The following SLC35D4 variants were observed in gnomAD, a reference collection of about 807,000 sequenced individuals.
The protein encoded by SLC35D4 is UDP-N-acetylglucosamine transporter SLC35D4.
At chr18:23,239,096 A>C in the SLC35D4 span, among the ~76,000 whole-genome samples, 2 of 152,044 alleles carry the variant, frequency 1.3e-5, no homozygotes, top group African/African-American at 4.8e-5. Flanking sequence ...TTTTTTCTTT[A>C]AATGATTTCA....
At chr18:23,411,200 A>G in the SLC35D4 span, among the ~76,000 whole-genome samples, 1 of 132,810 alleles carries the variant, frequency 7.5e-6, no homozygotes, top group East Asian at 2.6e-4. Context: ...GAGAAAGAGA[A>G]GGAAGGAAAG....
the SLC35D4 span, among the ~76,000 whole-genome samples, chr18:23,301,138 A>G: frequency 6.6e-6 from 1 of 151,884 alleles, no homozygotes; most frequent in African/African-American, 2.4e-5. Context: ...GTCCTAAACT[A>G]TTTTTTCCTT....
the SLC35D4 span, among the ~76,000 whole-genome samples, chr18:23,239,725 C>A: frequency 6.6e-6 from 1 of 152,172 alleles, no homozygotes; most frequent in Admixed American, 6.5e-5. Context: ...CAGCCACAAC[C>A]CCTCTTCTCC....
At chr18:23,337,474 C>CAAAAAA in the SLC35D4 span, among the ~76,000 whole-genome samples, 1 of 108,460 alleles carries the variant, frequency 9.2e-6, no homozygotes. Context: ...GACTCCGTCT[C>CAAAAAA]AAAAAAAAAA....
the SLC35D4 span, among the ~76,000 whole-genome samples, chr18:23,333,597 CCA>C: frequency 6.6e-6 from 1 of 152,142 alleles, no homozygotes; most frequent in Non-Finnish European, 1.5e-5. Flanking sequence ...AACACTGCTC[CCA>C]GTGAAATTCC....
chr18:23,361,479 C>A, the SLC35D4 span, among the ~76,000 whole-genome samples: 1 of 152,182 alleles, frequency 6.6e-6, no homozygotes, highest in Non-Finnish European at 1.5e-5. Context: ...AGCAAGGGAG[C>A]CCACAGCCAC....
chr18:23,391,549 G>A, the SLC35D4 span, among the ~76,000 whole-genome samples: 11 of 152,304 alleles, frequency 7.2e-5, no homozygotes, highest in Admixed American at 3.3e-4. Flanking sequence ...ATGCAGTGGC[G>A]TGATCATAAC....
At chr18:23,311,930 G>A in the SLC35D4 span, among the ~76,000 whole-genome samples, 5 of 152,244 alleles carry the variant, frequency 3.3e-5, no homozygotes, top group South Asian at 8.3e-4. Flanking sequence ...TGCCAATGGA[G>A]ATGTATTTCT....
chr18:23,339,079 T>C, the SLC35D4 span, among the ~76,000 whole-genome samples: 1 of 151,874 alleles, frequency 6.6e-6, no homozygotes, highest in African/African-American at 2.4e-5. Flanking sequence ...TTTGTAGAAA[T>C]AGGGTCTTGC....
chr18:23,307,368 G>A, the SLC35D4 span, among the ~76,000 whole-genome samples: 1 of 152,076 alleles, frequency 6.6e-6, no homozygotes, highest in Non-Finnish European at 1.5e-5. Flanking sequence ...CCTCACCTTC[G>A]CCTTCCCTGC....
the SLC35D4 span, among the ~76,000 whole-genome samples, chr18:23,371,103 T>C: frequency 0.39 from 41,215 of 106,898 alleles, 6,357 homozygotes; most frequent in Non-Finnish European, 0.52. Context: ...CTCTCTCTCT[T>C]TCTTTTTTTT....
At chr18:23,286,756 A>T in the SLC35D4 span, among the ~76,000 whole-genome samples, 63 of 152,176 alleles carry the variant, frequency 4.1e-4, no homozygotes, top group African/African-American at 1.4e-3. Context: ...GTGCCAACTT[A>T]GACAATACTC....
chr18:23,270,649 T>C, the SLC35D4 span, among the ~76,000 whole-genome samples: 5 of 152,320 alleles, frequency 3.3e-5, no homozygotes, highest in Admixed American at 3.3e-4. Flanking sequence ...CTCAAGACTG[T>C]GGGAACCCAC....
the SLC35D4 span, among the ~76,000 whole-genome samples, chr18:23,343,765 T>C: frequency 1.1e-4 from 17 of 152,164 alleles, no homozygotes; most frequent in Non-Finnish European, 2.5e-4. Context: ...TTTCTTTGCA[T>C]CCTTGTGTTC....
chr18:23,420,902 C>T, the SLC35D4 span, among the ~76,000 whole-genome samples: 4 of 152,036 alleles, frequency 2.6e-5, no homozygotes, highest in Non-Finnish European at 4.4e-5. Context: ...AATAAAATCA[C>T]TAAACCTCAC....
the SLC35D4 span, among the ~76,000 whole-genome samples, chr18:23,375,842 A>G: frequency 2.6e-5 from 4 of 152,220 alleles, no homozygotes; most frequent in Non-Finnish European, 4.4e-5. Flanking sequence ...ATCCTCACTC[A>G]TTAGAAAGTC....
the SLC35D4 span, among the ~76,000 whole-genome samples, chr18:23,433,530 G>A: frequency 6.6e-6 from 1 of 152,200 alleles, no homozygotes; most frequent in East Asian, 1.9e-4. Context: ...CCTGATTACA[G>A]CTGGAACCTC....
chr18:23,335,810 C>G, the SLC35D4 span, among the ~76,000 whole-genome samples: 2 of 152,266 alleles, frequency 1.3e-5, no homozygotes, highest in Non-Finnish European at 2.9e-5. Flanking sequence ...AATTAACTGG[C>G]CTTTATGTTG....
chr18:23,349,662 T>G, the SLC35D4 span, among the ~76,000 whole-genome samples: 1 of 152,156 alleles, frequency 6.6e-6, no homozygotes, highest in Admixed American at 6.5e-5. Context: ...CAAAAGCCTA[T>G]TTTTTTAGAT....
Sources: gnomAD v4.1 joint callset for allele counts (sites outside exome capture counted in the v4.1 genomes callset) on GRCh38, gnomAD v4.1.1 for gene constraint, MANE v1.5 for transcripts, NCBI Gene and HGNC (gene_info 2026-07-23, HGNC 2026-07-21) for gene names.